DMXL1: variants seen among roughly 807,000 people sequenced by gnomAD.
The protein encoded by DMXL1 is Dmx like 1.
A neutral mutation model predicts 319.2 loss-of-function variants in DMXL1; 99 were observed. That is an observed-to-expected ratio of 0.31 (90% confidence interval 0.26 to 0.37). DMXL1 has a LOEUF of 0.37. Ranked by LOEUF, DMXL1 falls within the 10% of genes least tolerant of loss-of-function variation. The pLI is 1.00. For missense variants in DMXL1, 3,745 were observed against 3,595.6 expected (o/e 1.04, Z -1.06); for synonymous variants, 1,385 against 1,235.2 (o/e 1.12, Z -2.54).
intron 19 of DMXL1, among the ~76,000 whole-genome samples, chr5:119,160,991 A>G (rs946713440): frequency 2.6e-5 from 4 of 152,114 alleles, no homozygotes; most frequent in African/African-American, 7.2e-5. Flanking sequence ...TGGGTTCATT[A>G]TTGGAAATTT....
intron 25 of DMXL1, among the ~76,000 whole-genome samples, chr5:119,172,756 A>G (rs573047448): frequency 7.2e-5 from 11 of 152,062 alleles, no homozygotes; most frequent in South Asian, 2.1e-4. Context: ...TTAATAGTCT[A>G]TCATGTAGCT....
intron 1 of DMXL1, among the ~76,000 whole-genome samples, chr5:119,074,500 TCTTGTTTTACTCATAAAGC>T (rs1477341578): frequency 6.6e-6 from 1 of 152,236 alleles, no homozygotes; most frequent in Admixed American, 6.5e-5. Flanking sequence ...AGATGTGAGA[TCTTGTTTTACTCATAAAGC>T]CTGACAGGTT....
At chr5:119,152,763 T>C (rs899089788) in intron 19 of DMXL1, among the ~76,000 whole-genome samples, 1 of 152,146 alleles carries the variant, frequency 6.6e-6, no homozygotes, top group Admixed American at 6.6e-5. Context: ...GTTCAAGAAA[T>C]AGAGCTGACT....
intron 9 of DMXL1, among the ~76,000 whole-genome samples, chr5:119,124,173 G>C (rs1762951901): frequency 6.6e-6 from 1 of 151,840 alleles, no homozygotes; most frequent in Non-Finnish European, 1.5e-5. Flanking sequence ...AAATTAGCCA[G>C]GTGTGGTGGC....
intron 23 of DMXL1, 146 bp downstream of exon 23, chr5:119,168,010 T>C (rs902269421): frequency 2.9e-5 from 20 of 688,544 alleles, no homozygotes; most frequent in Non-Finnish European, 4.4e-5. Context: ...GTTTGGTTTT[T>C]TTCTCCAGAA....
At chr5:119,223,774 T>A in intron 37 of DMXL1, among the ~76,000 whole-genome samples, 1 of 152,072 alleles carries the variant, frequency 6.6e-6, no homozygotes, top group Non-Finnish European at 1.5e-5. Flanking sequence ...GGTTCTCCTG[T>A]GAATATTAAA....
intron 5 of DMXL1, among the ~76,000 whole-genome samples, chr5:119,113,726 A>G (rs1760188971): frequency 6.6e-6 from 1 of 152,130 alleles, no homozygotes; most frequent in African/African-American, 2.4e-5. Context: ...AAATGATTTC[A>G]TTTGGTTTTT....
chr5:119,173,311 A>C (rs979602277), intron 25 of DMXL1, among the ~76,000 whole-genome samples: 4 of 150,404 alleles, frequency 2.7e-5, no homozygotes, highest in African/African-American at 9.8e-5. Context: ...TTACACTCCA[A>C]CCTGGGCAAC....
At chr5:119,102,201 G>A in intron 3 of DMXL1, 195 bp downstream of exon 3, 1 of 395,262 alleles carries the variant, frequency 2.5e-6, no homozygotes, top group Non-Finnish European at 4.6e-6. Flanking sequence ...TTGTGCCAAT[G>A]AATTGTTGAA....
At chr5:119,120,850 A>T in intron 8 of DMXL1, 121 bp from the exon 9 acceptor site, 2 of 755,164 alleles carry the variant, frequency 2.6e-6, no homozygotes, top group Non-Finnish European at 1.9e-6. Context: ...AGGCGTTTTT[A>T]CATATAAAAC....
At chr5:119,243,550 T>C (rs12651962) in intron 42 of DMXL1, among the ~76,000 whole-genome samples, 10,841 of 152,098 alleles carry the variant, frequency 0.071, 886 homozygotes, top group East Asian at 0.43. Flanking sequence ...TAAAGAAAAA[T>C]AGTATCATAT....
Position 119,170,392 on chromosome 5 carries a change from A to C in DMXL1, c.5601A>C (p.Lys1867Asn), listed in dbSNP as rs1417483854. ...LFFTTASAHL[K>N]AGCPMLALEV... ...TTACCACTGCCAGTGCTCATTTAAA[A>C]GCTGGCTGCCCAATGTTGGCTTTGG... Residue 1867 changes from lysine (K) to asparagine (N), a missense_variant, in exon 24 of 44, where the codon AAA becomes AAC. Lys to Asn is a moderately conservative substitution (Grantham distance 94). Around this residue, in one of 4 missense-constraint regions of DMXL1, gnomAD observed 1,382 missense variants for 1,269.5 expected, o/e 1.09. Coordinates refer to ENST00000539542, the MANE Select transcript of DMXL1 (RefSeq NM_001290321.3). 6.2e-7 allele frequency: 1 copy of C among 1,613,996 alleles called. No individual in the cohort carries two copies. The highest frequency in any genetic ancestry group is 8.5e-7 in the Non-Finnish European group (1 of 1,179,942).
At position 119,101,890 on chromosome 5, in the gene DMXL1, G is replaced by A. The variant is rs559911244; in HGVS notation, c.214-45G>A. The A allele has an allele frequency of 7.7e-6, 10 of 1,292,946 alleles. 1 individual carries two copies. In the South Asian group the frequency reaches 1.1e-4, roughly 14 times the overall value. The allele number at this position is 1,292,946 out of a possible 1,614,324, so 80.1% of individuals were successfully genotyped here. On this transcript the variant is annotated intron_variant, in intron 2 of 43. Transcript: ENST00000539542. ...TTTCTTTGCTTTTTTTGATTCATAA[G>A]TAAGTTAACATATCCCTAATAAATT...
At chr5:119,104,710 G>A (rs994161299) in intron 3 of DMXL1, among the ~76,000 whole-genome samples, 1 of 152,098 alleles carries the variant, frequency 6.6e-6, no homozygotes, top group Non-Finnish European at 1.5e-5. Context: ...CAGAAAAAAA[G>A]GGAAAAATTT....
chr5:119,136,922 C>T (rs182333040), intron 13 of DMXL1, among the ~76,000 whole-genome samples: 5 of 152,354 alleles, frequency 3.3e-5, no homozygotes, highest in South Asian at 2.1e-4. Flanking sequence ...GGAGTTGGAG[C>T]GTCCCACAGA....
intron 5 of DMXL1, among the ~76,000 whole-genome samples, chr5:119,111,999 C>T (rs1005077860): frequency 5.9e-5 from 9 of 151,718 alleles, no homozygotes; most frequent in South Asian, 2.1e-4. Context: ...CTCGCTCTGT[C>T]GCCCAGCCTG....
At chr5:119,126,831 AGCTTCTC>A (rs1763693324) in intron 9 of DMXL1, 1 of 160,842 alleles carries the variant, frequency 6.2e-6, no homozygotes, top group Non-Finnish European at 1.4e-5. Context: ...TGTTGAGTTG[AGCTTCTC>A]AGTTTGCTTT....
chr5:119,205,345 G>A (rs557451371), intron 33 of DMXL1, among the ~76,000 whole-genome samples: 3 of 152,182 alleles, frequency 2.0e-5, no homozygotes, highest in South Asian at 2.1e-4. Flanking sequence ...GCCAGAGTAC[G>A]TAAACATAGC....
chr5:119,136,699 G>A (rs751008876), intron 13 of DMXL1, among the ~76,000 whole-genome samples: 30 of 152,376 alleles, frequency 2.0e-4, no homozygotes, highest in African/African-American at 7.0e-4. Flanking sequence ...GTACAGCTGC[G>A]GCTGTTGCTT....
Sources: allele counts gnomAD v4.1 joint callset (sites outside exome capture counted in the v4.1 genomes callset), GRCh38; gene constraint gnomAD v4.1.1; regional missense constraint gnomAD v4.1.1; transcripts MANE v1.5; gene names NCBI Gene and HGNC (gene_info 2026-07-23, HGNC 2026-07-21).